Variants in LPAR3 observed in about 807,000 individuals in gnomAD.
LPAR3 encodes lysophosphatidic acid receptor 3.
A neutral mutation model predicts 17.8 loss-of-function variants in LPAR3; 7 were observed. The ratio of observed to expected loss-of-function variants is 0.39; its 90% CI spans 0.22 to 0.74. LPAR3 has a LOEUF of 0.74. Among genes scored for constraint, LPAR3 ranks in the 30% least tolerant of loss-of-function variants. The pLI is 0.40. For synonymous variants in LPAR3, 179 were observed against 179.9 expected (o/e 0.99, Z 0.04); for missense variants, 391 against 453.4 (o/e 0.86, Z 1.25).
At chr1:84,866,785 T>C (rs1660058904) in intron 1 of LPAR3, among the ~76,000 whole-genome samples, 1 of 152,204 alleles carries the variant, frequency 6.6e-6, no homozygotes, top group Non-Finnish European at 1.5e-5. Flanking sequence ...CAAACAACTC[T>C]GATATTCACA....
intron 2 of LPAR3, among the ~76,000 whole-genome samples, chr1:84,857,447 A>G (rs558007189): frequency 1.5e-4 from 23 of 152,298 alleles, no homozygotes; most frequent in Non-Finnish European, 2.6e-4. Flanking sequence ...GAATTGACAA[A>G]GCTAGGATTT....
intron 2 of LPAR3, among the ~76,000 whole-genome samples, chr1:84,861,805 T>C (rs1308486176): frequency 6.6e-6 from 1 of 152,210 alleles, no homozygotes; most frequent in Non-Finnish European, 1.5e-5. Flanking sequence ...AATTCCCCAA[T>C]GTTGTCTTAT....
At chr1:84,852,111 T>A (rs1394527215) in intron 2 of LPAR3, among the ~76,000 whole-genome samples, 1 of 150,012 alleles carries the variant, frequency 6.7e-6, no homozygotes, top group Non-Finnish European at 1.5e-5. Flanking sequence ...AATGCAGTGG[T>A]GCAATCCCAG....
chr1:84,889,502 G>GT (rs1156431466), intron 1 of LPAR3, among the ~76,000 whole-genome samples: 3 of 152,206 alleles, frequency 2.0e-5, no homozygotes, highest in African/African-American at 4.8e-5. Flanking sequence ...GACAGTACAG[G>GT]TAATTCCAAC....
chr1:84,829,172 T>G (rs1274377469), intron 2 of LPAR3, among the ~76,000 whole-genome samples: 2 of 145,906 alleles, frequency 1.4e-5, no homozygotes, highest in African/African-American at 2.5e-5. Context: ...TTTTTTTTTT[T>G]TTTTTTTTGC....
chr1:84,879,906 G>A lies in LPAR3; in HGVS notation c.-19+13110C>T, dbSNP rs183087383. Among the ~76,000 whole-genome samples the A allele has an allele frequency of 1.5e-3, 230 of 152,266 alleles. 1 individual carries two copies. Among genetic ancestry groups the A allele is most frequent in the East Asian group, 0.014 (75 of 5,190 alleles). Reference sequence around the variant, plus strand: ...AAGCCTTTGGGCAGCCTAAATCCACGTAGTCCATGGACTAGTTTCTATCAA... The same window carrying A: ...AAGCCTTTGGGCAGCCTAAATCCACATAGTCCATGGACTAGTTTCTATCAA... On this transcript the variant is annotated intron_variant, in intron 1 of 2. Transcript: ENST00000370611.
chr1:84,864,872 C>T (rs1405764610), intron 2 of LPAR3, among the ~76,000 whole-genome samples: 1 of 152,102 alleles, frequency 6.6e-6, no homozygotes, highest in African/African-American at 2.4e-5. Context: ...TCCCCTACCC[C>T]ACCAGCTCCC....
intron 2 of LPAR3, among the ~76,000 whole-genome samples, chr1:84,849,486 A>G (rs1052630358): frequency 6.6e-6 from 1 of 152,062 alleles, no homozygotes; most frequent in Admixed American, 6.5e-5. Flanking sequence ...TTCTGGATAT[A>G]ACACTTTTAT....
At chr1:84,892,109 A>G (rs1442980913) in intron 1 of LPAR3, among the ~76,000 whole-genome samples, 18 of 152,080 alleles carry the variant, frequency 1.2e-4, no homozygotes, top group Admixed American at 1.1e-3. Context: ...GCTACTAGGG[A>G]GGCTGAGGCA....
chr1:84,861,671 C>T (rs1659944475), intron 2 of LPAR3, among the ~76,000 whole-genome samples: 1 of 152,190 alleles, frequency 6.6e-6, no homozygotes. Context: ...CAGCCTTACA[C>T]CACCTAGCTC....
chr1:84,829,152 A>ATTTTT (rs56095946), intron 2 of LPAR3, among the ~76,000 whole-genome samples: 19 of 55,550 alleles, frequency 3.4e-4, no homozygotes, highest in Non-Finnish European at 5.0e-4. Flanking sequence ...CCTCTCTGCA[A>ATTTTT]TTTTTTTTTT....
intron 2 of LPAR3, among the ~76,000 whole-genome samples, chr1:84,862,857 C>T (rs921079013): frequency 6.6e-6 from 1 of 152,208 alleles, no homozygotes; most frequent in African/African-American, 2.4e-5. Context: ...CAGTGAGAAA[C>T]GGCCTCTCTG....
chr1:84,877,708 C>T (rs1297812789), intron 1 of LPAR3, among the ~76,000 whole-genome samples: 1 of 152,152 alleles, frequency 6.6e-6, no homozygotes, highest in African/African-American at 2.4e-5. Flanking sequence ...TAGATTCGGA[C>T]TCTCAGTCAG....
At chr1:84,866,394 A>G (rs1660052167) in intron 1 of LPAR3, among the ~76,000 whole-genome samples, 1 of 152,064 alleles carries the variant, frequency 6.6e-6, no homozygotes, top group East Asian at 1.9e-4. Context: ...TATTTTGTTC[A>G]CCATTACAAC....
chr1:84,832,512 G>A (rs190708648), intron 2 of LPAR3, among the ~76,000 whole-genome samples: 39 of 152,302 alleles, frequency 2.6e-4, no homozygotes, highest in Non-Finnish European at 4.3e-4. Context: ...AATTGAAGAC[G>A]ACATGATAAA....
chr1:84,892,244 A>C (rs889452153), intron 1 of LPAR3, among the ~76,000 whole-genome samples: 2 of 149,228 alleles, frequency 1.3e-5, no homozygotes, highest in Non-Finnish European at 3.0e-5. Flanking sequence ...TAAATAAATA[A>C]ATAAATAAAT....
At chr1:84,819,313 G>A (rs557047196) in intron 2 of LPAR3, among the ~76,000 whole-genome samples, 2 of 152,130 alleles carry the variant, frequency 1.3e-5, no homozygotes, top group Non-Finnish European at 2.9e-5. Context: ...GAGCTGGGTG[G>A]GGCCTTAAAG....
intron 1 of LPAR3, among the ~76,000 whole-genome samples, chr1:84,881,919 G>GCATCC (rs2102772630): frequency 6.6e-6 from 1 of 152,228 alleles, no homozygotes; most frequent in East Asian, 1.9e-4. Flanking sequence ...CCAAGATGAG[G>GCATCC]AACAAAGCAA....
At chr1:84,832,943 A>G (rs368150486) in intron 2 of LPAR3, among the ~76,000 whole-genome samples, 2 of 152,370 alleles carry the variant, frequency 1.3e-5, no homozygotes. Context: ...AAATGAGATG[A>G]GTAAGTCAAA....
Sources: allele counts gnomAD v4.1 joint callset (sites outside exome capture counted in the v4.1 genomes callset), GRCh38; gene constraint gnomAD v4.1.1; transcripts MANE v1.5; gene names NCBI Gene and HGNC (gene_info 2026-07-23, HGNC 2026-07-21).